FBXO11: variants seen among roughly 807,000 people sequenced by gnomAD.
FBXO11 encodes F-box protein 11.
A neutral mutation model predicts 117.0 loss-of-function variants in FBXO11; 13 were observed. The ratio of observed to expected loss-of-function variants is 0.11; its 90% confidence interval spans 0.07 to 0.18. The LOEUF is 0.18. FBXO11 is among the 10% of genes least tolerant of loss of function. FBXO11 has a pLI of 1.00. For missense variants in FBXO11, 767 were observed against 1,164.4 expected (o/e 0.66, Z 4.97); for synonymous variants, 490 against 380.5 (o/e 1.29, Z -3.35).
At chr2:47,861,768 G>A (rs995585343) in intron 1 of FBXO11, among the ~76,000 whole-genome samples, 4 of 152,200 alleles carry the variant, frequency 2.6e-5, no homozygotes, top group South Asian at 2.1e-4. Flanking sequence ...CAAGGATGAC[G>A]GATGCATTAT....
chr2:47,838,973 T>A lies in FBXO11; in HGVS notation c.473A>T (p.Lys158Ile). The change falls in exon 4 of 23, where the codon AAA (lysine) becomes ATA (isoleucine). Residue 158 changes from lysine to isoleucine, a missense_variant. Lys to Ile is a moderately radical substitution (Grantham distance 102). Around this residue, in one of 10 missense-constraint regions of FBXO11, gnomAD observed 355 missense variants for 299.8 expected, o/e 1.18. Coordinates refer to ENST00000403359, the MANE Select transcript of FBXO11 (RefSeq NM_001190274.2). Reference protein sequence around the residue: ...AAPAEQYLQEKLPDEVVLKIF... With the variant: ...AAPAEQYLQEILPDEVVLKIF... ...TTTTAGAACCACTTCATCTGGCAGT[T>A]TCTCCTGAAGATACTGTTCAGCAGG... The A allele has an allele frequency of 6.2e-7, 1 of 1,614,044 alleles. No homozygotes were observed. The highest frequency in any genetic ancestry group is 8.5e-7 in the Non-Finnish European group (1 of 1,179,930).
At chr2:47,850,980 A>T (rs1394976911) in intron 1 of FBXO11, among the ~76,000 whole-genome samples, 1 of 152,238 alleles carries the variant, frequency 6.6e-6, no homozygotes, top group Non-Finnish European at 1.5e-5. Context: ...TATTTTAACA[A>T]GCAAGAAAAA....
In FBXO11 at chr2:47,822,410, T is replaced by TA; in HGVS notation, c.1617-108_1617-107insT. 4 of 642,738 alleles carry TA rather than the reference T, an allele frequency of 6.2e-6. No individual in the cohort carries two copies. In the South Asian group the frequency reaches 8.4e-5, roughly 13 times the overall value. The allele number at this position is 642,738 out of a possible 1,614,324, so 39.8% of individuals were successfully genotyped here. On this transcript the variant is annotated intron_variant, in intron 12 of 22. Coordinates refer to ENST00000403359, the MANE Select transcript of FBXO11 (RefSeq NM_001190274.2). ...GGTCATATAACAAATTACATAAACT[T>TA]CTAAGGCCTCAATTTCTTCATTATT... is the stretch of plus-strand genomic sequence containing the variant.
At position 47,905,477 on chromosome 2, in the gene FBXO11, G is replaced by A; in HGVS notation, c.232+12C>T. ...CGGGAAGGCGGGCGGTTGGGAGGTA[G>A]CGCGGCCTTACCCCGCTCGCCGACG... On this transcript the variant is annotated intron_variant, in intron 1 of 22. Coordinates refer to ENST00000403359, the MANE Select transcript of FBXO11 (RefSeq NM_001190274.2). The A allele has an allele frequency of 8.2e-7, 1 of 1,225,434 alleles. No individual in the cohort carries two copies. Among genetic ancestry groups the A allele is most frequent in the Non-Finnish European group, 1.0e-6 (1 of 983,798 alleles). The allele number at this position is 1,225,434 out of a possible 1,614,324, so 75.9% of individuals were successfully genotyped here.
chr2:47,899,636 T>C (rs542302252), intron 1 of FBXO11, among the ~76,000 whole-genome samples: 1 of 152,312 alleles, frequency 6.6e-6, no homozygotes, highest in African/African-American at 2.4e-5. Context: ...CTTTACATCA[T>C]ACTGTCTCAT....
intron 1 of FBXO11, among the ~76,000 whole-genome samples, chr2:47,867,509 C>A (rs1476163099): frequency 2.0e-5 from 3 of 152,154 alleles, no homozygotes; most frequent in East Asian, 3.9e-4. Context: ...GGAGGAGAGC[C>A]AAAAATAATT....
chr2:47,859,049 A>T (rs942120301), intron 1 of FBXO11, among the ~76,000 whole-genome samples: 1 of 151,488 alleles, frequency 6.6e-6, no homozygotes, highest in Admixed American at 6.6e-5. Flanking sequence ...TCCAAAAAAA[A>T]AAAAAAAAAG....
In FBXO11 at chr2:47,882,324, T is replaced by C. The variant is rs1226659787; in HGVS notation, c.232+23165A>G. On this transcript the variant is annotated intron_variant, in intron 1 of 22. Coordinates refer to ENST00000403359, the MANE Select transcript of FBXO11 (RefSeq NM_001190274.2). ...CAGATTTCAATGTCTTATAAACAAC[T>C]TGGAGTGGGGTAGTTAGGAAGGTTT... Among the ~76,000 whole-genome samples, 7 of 152,164 alleles carry C rather than the reference T, an allele frequency of 4.6e-5. No individual in the cohort carries two copies. The East Asian group carries it at 1.3e-3, about 29-fold the overall frequency.
intron 1 of FBXO11, among the ~76,000 whole-genome samples, chr2:47,886,800 A>G (rs1449759651): frequency 2.0e-5 from 3 of 152,226 alleles, no homozygotes; most frequent in African/African-American, 7.2e-5. Context: ...TTAATGAAAA[A>G]AAGTGTTTAT....
At chr2:47,857,313 G>T (rs942925049) in intron 1 of FBXO11, among the ~76,000 whole-genome samples, 6 of 152,004 alleles carry the variant, frequency 3.9e-5, no homozygotes, top group Non-Finnish European at 7.4e-5. Context: ...CAGAGACAGG[G>T]TTTTGTTTTG....
In FBXO11 at chr2:47,834,924, TTTAAA is replaced by T. The variant is rs1672435498; in HGVS notation, c.718-58_718-54del. 9 of 1,254,510 alleles carry T rather than the reference TTTAAA, an allele frequency of 7.2e-6. No homozygotes were observed. In the South Asian group the frequency reaches 7.9e-5, roughly 11 times the overall value. The allele number at this position is 1,254,510 out of a possible 1,614,324, so 77.7% of individuals were successfully genotyped here. A position where few individuals can be genotyped will look rare whatever the true frequency, so the allele number is the denominator to read the frequency against. Reference sequence around the variant, plus strand: ...ATTGACTACTAACATAAACCTTATATTTAAATTAATGTACAATTGCATGAACAACT... The same window carrying T: ...ATTGACTACTAACATAAACCTTATATTTAATGTACAATTGCATGAACAACT... On this transcript the variant is annotated intron_variant, in intron 5 of 22. Coordinates refer to ENST00000403359, the MANE Select transcript of FBXO11 (RefSeq NM_001190274.2).
At chr2:47,884,286 T>G (rs1347260304) in intron 1 of FBXO11, among the ~76,000 whole-genome samples, 1 of 152,196 alleles carries the variant, frequency 6.6e-6, no homozygotes, top group African/African-American at 2.4e-5. Flanking sequence ...TGTGGCTCTG[T>G]GTGCACATGT....
chr2:47,889,978 C>T (rs1677140223), intron 1 of FBXO11, among the ~76,000 whole-genome samples: 1 of 152,186 alleles, frequency 6.6e-6, no homozygotes, highest in Non-Finnish European at 1.5e-5. Flanking sequence ...GAATTTTATG[C>T]TACAGTCGCA....
At chr2:47,876,982 ACT>A (rs957144308) in intron 1 of FBXO11, among the ~76,000 whole-genome samples, 50 of 151,534 alleles carry the variant, frequency 3.3e-4, no homozygotes, top group African/African-American at 1.1e-3. Flanking sequence ...TTTCCAAATC[ACT>A]GTTTCATTGA....
chr2:47,862,144 C>A (rs375107738), intron 1 of FBXO11, among the ~76,000 whole-genome samples: 1 of 152,082 alleles, frequency 6.6e-6, no homozygotes, highest in East Asian at 1.9e-4. Flanking sequence ...TGGTCTCAAA[C>A]GCTTGACCTC....
chr2:47,855,409 A>G (rs1484232167), intron 1 of FBXO11, among the ~76,000 whole-genome samples: 1 of 152,136 alleles, frequency 6.6e-6, no homozygotes, highest in African/African-American at 2.4e-5. Context: ...AGGTAGACTC[A>G]TTTTATCTCC....
chr2:47,899,071 G>A (rs559599123), intron 1 of FBXO11, among the ~76,000 whole-genome samples: 29 of 152,030 alleles, frequency 1.9e-4, no homozygotes, highest in African/African-American at 6.7e-4. Flanking sequence ...TCAGGAGATC[G>A]AGACCATCCT....
intron 1 of FBXO11, among the ~76,000 whole-genome samples, chr2:47,848,976 C>A (rs1673632363): frequency 6.6e-6 from 1 of 152,086 alleles, no homozygotes; most frequent in African/African-American, 2.4e-5. Context: ...TTTTTCCCCA[C>A]AAATACACAA....
At chr2:47,875,795 ACCCTGATGGTATACCAAGG>A (rs1049765959) in intron 1 of FBXO11, among the ~76,000 whole-genome samples, 2 of 152,126 alleles carry the variant, frequency 1.3e-5, no homozygotes, top group Non-Finnish European at 2.9e-5. Context: ...ATTCCAACTG[ACCCTGATGGTATACCAAGG>A]GTTTAGCCTT....
Sources: allele counts gnomAD v4.1 joint callset (sites outside exome capture counted in the v4.1 genomes callset), GRCh38; gene constraint gnomAD v4.1.1; regional missense constraint gnomAD v4.1.1; transcripts MANE v1.5; gene names NCBI Gene and HGNC (gene_info 2026-07-23, HGNC 2026-07-21).